Variants in FGFR1 observed in about 807,000 individuals in gnomAD.
FGFR1 encodes the protein fibroblast growth factor receptor 1.
A neutral mutation model predicts 93.7 loss-of-function variants in FGFR1; 18 were observed. The ratio of observed to expected loss-of-function variants is 0.19; its 90% confidence interval spans 0.13 to 0.28. FGFR1 has a LOEUF of 0.28. Among genes scored for constraint, FGFR1 ranks in the 10% least tolerant of loss-of-function variants. FGFR1 has a pLI of 1.00. For synonymous variants in FGFR1, 448 were observed against 429.3 expected (o/e 1.04, Z -0.54); for missense variants, 731 against 1,080.4 (o/e 0.68, Z 4.53).
chr8:38,416,070 C>T lies in FGFR1; in HGVS notation c.1664-10G>A. Reference sequence around the variant, plus strand: ...ATGACATACAAGGGACCTGCAGGCACAGGAGAAGAGGCCATGGGGCCAGCA... The same window carrying T: ...ATGACATACAAGGGACCTGCAGGCATAGGAGAAGAGGCCATGGGGCCAGCA... On this transcript the variant is annotated splice_polypyrimidine_tract_variant and intron_variant, in intron 12 of 17. Coordinates refer to ENST00000447712, the MANE Select transcript of FGFR1 (RefSeq NM_023110.3). 1 of 1,607,522 alleles carries T rather than the reference C, an allele frequency of 6.2e-7. No individual in the cohort carries two copies. Among genetic ancestry groups the T allele is most frequent in the African/African-American group, 1.3e-5 (1 of 74,970 alleles).
At chr8:38,419,384 A>G (rs984532209) in intron 9 of FGFR1, 149 bp downstream of exon 9, 27 of 753,500 alleles carry the variant, frequency 3.6e-5, no homozygotes, top group South Asian at 1.5e-4. Context: ...CAGACTCTAG[A>G]GCACTTAGTT....
At chr8:38,428,527 C>T in intron 3 of FGFR1, 92 bp from the exon 4 acceptor site, 1 of 952,060 alleles carries the variant, frequency 1.1e-6, no homozygotes, top group Non-Finnish European at 1.7e-6. Context: ...CGGACACCCT[C>T]CCCATGGGGA....
rs527268565 is a variant in FGFR1 at position 38,466,900 on chromosome 8, C to G, written c.-89+1081G>C. ...AGAAACAGGCTTCACACCCCACCCC[C>G]CCCCCACCACCACCAAAAAAGTGTC... On this transcript the variant is annotated intron_variant, in intron 1 of 17. Transcript: ENST00000447712. 4.0e-5 allele frequency among the ~76,000 whole-genome samples: 6 copies of G among 150,508 alleles called. No homozygotes were observed. In the East Asian group the frequency reaches 7.8e-4, roughly 20 times the overall value.
At position 38,426,198 on chromosome 8, in the gene FGFR1, A is replaced by G; in HGVS notation, c.669T>C (p.Ser223=). Residue 223 remains serine, a synonymous_variant, in exon 6 of 18, where the codon TCT becomes TCC. Coordinates refer to ENST00000447712, the MANE Select transcript of FGFR1 (RefSeq NM_023110.3). The surrounding 1 kb of genome is among the most constrained non-coding windows in gnomAD (Gnocchi z 4.1). The part of the protein sequence containing the change: ...WSIIMDSVVP[S]DKGNYTCIVE... ...CAATGCAGGTGTAGTTGCCCTTGTC[A>G]GAGGGCACCACAGAGTCCATTATGA... The G allele has an allele frequency of 1.2e-6, 2 of 1,614,048 alleles. No individual in the cohort carries two copies. The highest frequency in any genetic ancestry group is 1.7e-6 in the Non-Finnish European group (2 of 1,179,924).
chr8:38,421,524 A>G (rs1465161207), intron 8 of FGFR1: 5 of 525,936 alleles, frequency 9.5e-6, no homozygotes, highest in African/African-American at 1.9e-5. Context: ...CTGCAGGGTA[A>G]ACCCAGATCC....
intron 2 of FGFR1, chr8:38,440,470 G>T (rs1827031595): frequency 2.0e-6 from 2 of 1,002,622 alleles, no homozygotes; most frequent in Non-Finnish European, 2.9e-6. Flanking sequence ...GGGGGCACAG[G>T]TATGTGTGGA....
At chr8:38,455,356 C>T (rs1331417279) in intron 2 of FGFR1, among the ~76,000 whole-genome samples, 5 of 152,216 alleles carry the variant, frequency 3.3e-5, no homozygotes, top group Non-Finnish European at 7.3e-5. Context: ...TCTCAGCTCA[C>T]TGCATGCTCT....
chr8:38,442,117 C>T (rs565759972), intron 2 of FGFR1, among the ~76,000 whole-genome samples: 1 of 152,244 alleles, frequency 6.6e-6, no homozygotes, highest in South Asian at 2.1e-4. Flanking sequence ...TGGGTGGGTC[C>T]TATTTTGGGA....
intron 9 of FGFR1, chr8:38,418,661 C>T (rs1817635546): frequency 2.0e-6 from 1 of 489,400 alleles, no homozygotes. Flanking sequence ...ATTGCAGTAA[C>T]AACTCTGTTC....
At chr8:38,418,651 ATTGCAG>A (rs1210847728) in intron 9 of FGFR1, 38 of 513,590 alleles carry the variant, frequency 7.4e-5, no homozygotes, top group Non-Finnish European at 1.2e-4. Context: ...ATAACTGATC[ATTGCAG>A]TAACAACTCT....
At chr8:38,417,713 T>G (rs1817196798) in intron 11 of FGFR1, among the ~76,000 whole-genome samples, 157 bp downstream of exon 11, 1 of 152,018 alleles carries the variant, frequency 6.6e-6, no homozygotes. Context: ...AATCTCAAGG[T>G]GCAGAACACC....
At chr8:38,459,197 T>G (rs1833767506) in intron 1 of FGFR1, among the ~76,000 whole-genome samples, 1 of 152,182 alleles carries the variant, frequency 6.6e-6, no homozygotes, top group African/African-American at 2.4e-5. Flanking sequence ...ATTTTCCAGG[T>G]GGCTTCTGTC....
intron 3 of FGFR1, chr8:38,428,724 G>A (rs1332702715): frequency 6.6e-6 from 3 of 457,614 alleles, no homozygotes; most frequent in South Asian, 2.1e-5. Context: ...ATTCAAAGGC[G>A]CTTTCTCAAC....
In FGFR1 at chr8:38,419,518, C is replaced by T. The variant is rs758931621; in HGVS notation, c.1284+15G>A. The T allele has an allele frequency of 6.2e-7, 1 of 1,611,606 alleles. No individual in the cohort carries two copies. Among genetic ancestry groups the T allele is most frequent in the South Asian group, 1.1e-5 (1 of 90,994 alleles). Reference sequence around the variant, plus strand: ...GAGAGGTGGTGCTGAGTGTGCAAATCCCCCATCTACTTTCTGTTACCTGTC... The same window carrying T: ...GAGAGGTGGTGCTGAGTGTGCAAATTCCCCATCTACTTTCTGTTACCTGTC... On this transcript the variant is annotated intron_variant, in intron 9 of 17. Transcript: ENST00000447712.
intron 14 of FGFR1, 29 bp from the exon 15 acceptor site, chr8:38,414,658 G>A (rs2150554249): frequency 6.2e-7 from 1 of 1,613,676 alleles, no homozygotes; most frequent in South Asian, 1.1e-5. Flanking sequence ...AGGTTGGAGT[G>A]GCCCCAGGCA....
At chr8:38,428,309 G>A (rs899302191) in intron 4 of FGFR1, 37 bp downstream of exon 4, 2 of 1,600,290 alleles carry the variant, frequency 1.2e-6, no homozygotes, top group East Asian at 4.5e-5. Flanking sequence ...CCAATGCCCA[G>A]ACCCAAAGGG....
At position 38,413,306 on chromosome 8, in the gene FGFR1, T is replaced by G; in HGVS notation, c.*322A>C. On this transcript the variant is annotated 3_prime_UTR_variant, in exon 18 of 18. Transcript: ENST00000447712. The surrounding 1 kb of genome is among the most constrained non-coding windows in gnomAD (Gnocchi z 4.2). ...AAAGCTCAGGAAGCTCTCACTTGCA[T>G]GCCTGTTCATTGGCTCCCACTCCCT... 2.2e-6 allele frequency: 1 copy of G among 447,394 alleles called. No homozygotes were observed. The highest frequency in any genetic ancestry group is 4.0e-6 in the Non-Finnish European group (1 of 248,752). 27.7% of individuals were successfully genotyped at this position (447,394 alleles called of 1,614,324 possible). A position where few individuals can be genotyped will look rare whatever the true frequency, so the allele number is the denominator to read the frequency against.
chr8:38,451,554 G>C lies in FGFR1; in HGVS notation c.91+5802C>G, dbSNP rs140292694. On this transcript the variant is annotated intron_variant, in intron 2 of 17. Coordinates refer to ENST00000447712, the MANE Select transcript of FGFR1 (RefSeq NM_023110.3). ...GGTGCAGGTTTCTGCAAAACACAGA[G>C]ACAAAGCCCCGCTTTGTGGTGCACA... 1.4e-3 allele frequency among the ~76,000 whole-genome samples: 220 copies of C among 152,240 alleles called. 2 individuals carry two copies. Among genetic ancestry groups the C allele is most frequent in the South Asian group, 4.2e-3 (20 of 4,818 alleles).
At chr8:38,425,301 T>C (rs1820350821) in intron 6 of FGFR1, among the ~76,000 whole-genome samples, 1 of 152,102 alleles carries the variant, frequency 6.6e-6, no homozygotes, top group African/African-American at 2.4e-5. Flanking sequence ...TACATGACAC[T>C]GCACTAGGCT....
Sources: allele counts gnomAD v4.1 joint callset (sites outside exome capture counted in the v4.1 genomes callset), GRCh38; gene constraint gnomAD v4.1.1; non-coding constraint Gnocchi (gnomAD v3.1); transcripts MANE v1.5; gene names NCBI Gene and HGNC (gene_info 2026-07-23, HGNC 2026-07-21).